Variants in CDH16 observed in about 807,000 individuals in gnomAD.
CDH16 encodes cadherin 16.
Under a neutral mutation model 87.6 loss-of-function variants are expected in CDH16, and 79 were observed. The ratio of observed to expected loss-of-function variants is 0.90; its 90% confidence interval spans 0.75 to 1.09. The LOEUF is 1.09. Among genes scored for constraint, CDH16 ranks in the 50% least tolerant of loss-of-function variants. The pLI, the probability that CDH16 is intolerant of heterozygous loss-of-function variation, is 0.00. For missense variants in CDH16, 1,124 were observed against 1,071.7 expected (o/e 1.05, Z -0.68); for synonymous variants, 457 against 439.5 (o/e 1.04, Z -0.50).
At position 66,912,000 on chromosome 16, in the gene CDH16, C is replaced by T. The variant is rs1484278555; in HGVS notation, c.1689G>A (p.Lys563=). Residue 563 remains lysine (K), a synonymous_variant, in exon 13 of 18, where the codon AAG becomes AAA. Transcript: ENST00000299752. Reference sequence around the variant, plus strand: ...TGGCCTCGTAGCTCTCCTGGTCCAACTTGGGGGGTGGCATCACTCTCTCCA... The same window carrying T: ...TGGCCTCGTAGCTCTCCTGGTCCAATTTGGGGGGTGGCATCACTCTCTCCA... ...VLVERVMPPP[K]LDQESYEASV... is the part of the protein sequence containing the mutation. The T allele has an allele frequency of 5.6e-6, 9 of 1,614,144 alleles. No homozygotes were observed. Among genetic ancestry groups the T allele is most frequent in the Non-Finnish European group, 7.6e-6 (9 of 1,180,002 alleles).
In CDH16 at chr16:66,914,225, G is replaced by A; in HGVS notation, c.771C>T (p.His257=). The A allele has an allele frequency of 6.2e-7, 1 of 1,612,884 alleles. No homozygotes were observed. Among genetic ancestry groups the A allele is most frequent in the Non-Finnish European group, 8.5e-7 (1 of 1,178,922 alleles). The part of the protein sequence containing the change: ...AENLKVLYPH[H]MAQVHWSGGD... ...ACAGCCACTTACTCACCTGGGCCATGTGGTGCGGGTATAGGACTTTGAGAT... is the reference window on the plus strand; with the variant it reads ...ACAGCCACTTACTCACCTGGGCCATATGGTGCGGGTATAGGACTTTGAGAT... Residue 257 remains histidine, a synonymous_variant, in exon 7 of 18, where the codon CAC becomes CAT. Coordinates refer to ENST00000299752, the MANE Select transcript of CDH16 (RefSeq NM_004062.4).
Position 66,917,627 on chromosome 16 carries a change from A to G in CDH16, c.129+15T>C. 3 of 1,604,634 alleles carry G rather than the reference A, an allele frequency of 1.9e-6. No individual in the cohort carries two copies. The highest frequency in any genetic ancestry group is 2.6e-6 in the Non-Finnish European group (3 of 1,172,740). On this transcript the variant is annotated intron_variant, in intron 3 of 17. Transcript: ENST00000299752. ...GAGGGATCCCCCCGGCCCCAACCCC[A>G]GCTCTCCGGCTCACCTTGGTCAGGT...
intron 5 of CDH16, 126 bp from the exon 6 acceptor site, chr16:66,915,504 C>A: frequency 9.3e-7 from 1 of 1,081,048 alleles, no homozygotes; most frequent in Non-Finnish European, 1.3e-6. Flanking sequence ...CGGAGATGAG[C>A]CACGGCTTTT....
At chr16:66,917,889 G>T in intron 2 of CDH16, 132 bp downstream of exon 2, 2 of 999,016 alleles carry the variant, frequency 2.0e-6, no homozygotes, top group Non-Finnish European at 3.0e-6. Flanking sequence ...TGGCTCTATA[G>T]TCCCAGCTCT....
chr16:66,916,225 C>T lies in CDH16; in HGVS notation c.286-22G>A, dbSNP rs754087654. The T allele has an allele frequency of 9.3e-6, 15 of 1,614,232 alleles. No individual in the cohort carries two copies. In the East Asian group the frequency reaches 2.9e-4, roughly 31 times the overall value. On this transcript the variant is annotated intron_variant, in intron 4 of 17. Transcript: ENST00000299752. This position sits in a 1 kb window ranked among gnomAD's most constrained non-coding sequence, Gnocchi z 4.1. ...TGACCTGGCAGGGAAGGGGAGTCAG[C>T]GTCTGGCTCTGCCTTGCCTGCTCTC...
rs773439858 is a variant in CDH16, at chr16:66,912,822, T to G, written c.1124A>C (p.Tyr375Ser). Residue 375 changes from tyrosine to serine, a missense_variant, in exon 10 of 18, where the codon TAT becomes TCT. Physicochemically the swap from Tyr to Ser is moderately radical, Grantham distance 144. Transcript: ENST00000299752. The part of the protein sequence containing the change: ...APGSPNSHVV[Y>S]QLLSPEPEDG... ...CTCAGGCTCAGGGCTCAGGAGCTGATACACAACGTGGGAATTGGGGGAGCC... is the reference window on the plus strand; with the variant it reads ...CTCAGGCTCAGGGCTCAGGAGCTGAGACACAACGTGGGAATTGGGGGAGCC... 6.2e-7 allele frequency: 1 copy of G among 1,613,680 alleles called. No homozygotes were observed. The highest frequency in any genetic ancestry group is 8.5e-7 in the Non-Finnish European group (1 of 1,180,006).
In CDH16 at chr16:66,911,212, A is replaced by G; in HGVS notation, c.1894T>C (p.Tyr632His). 13 of 1,613,614 alleles carry G rather than the reference A, an allele frequency of 8.1e-6. No homozygotes were observed. Among genetic ancestry groups the G allele is most frequent in the Non-Finnish European group, 1.1e-5 (13 of 1,179,824 alleles). The change falls in exon 14 of 18, where the codon TAC becomes CAC. Residue 632 changes from tyrosine to histidine, a missense_variant. Coordinates refer to ENST00000299752, the MANE Select transcript of CDH16 (RefSeq NM_004062.4). ...TCCTGGGCCTCCACAAGCACCGTGTAGGTGTCCCCAGGCTGGGCGCCCTGC... is the reference window on the plus strand; with the variant it reads ...TCCTGGGCCTCCACAAGCACCGTGTGGGTGTCCCCAGGCTGGGCGCCCTGC... ...SLQGAQPGDT[Y>H]TVLVEAQDTD...
chr16:66,908,298 C>A lies in CDH16; in HGVS notation c.*94G>T, dbSNP rs1160928303. The A allele has an allele frequency of 9.9e-7, 1 of 1,011,570 alleles. No homozygotes were observed. The highest frequency in any genetic ancestry group is 1.5e-6 in the Non-Finnish European group (1 of 647,872). The allele number at this position is 1,011,570 out of a possible 1,614,324, so 62.7% of individuals were successfully genotyped here. On this transcript the variant is annotated 3_prime_UTR_variant, in exon 18 of 18. Coordinates refer to ENST00000299752, the MANE Select transcript of CDH16 (RefSeq NM_004062.4). ...GCAGATGGAGGGGCTTCTACTCTGT[C>A]CTGTCCCCTGCTGGATCTTGGGTGC...
rs535174160 is a variant in CDH16, at chr16:66,915,382, G to T, written c.425-4C>A. 1.3e-5 allele frequency: 21 copies of T among 1,613,574 alleles called. No homozygotes were observed. The South Asian group carries it at 2.3e-4, about 18-fold the overall frequency. On this transcript the variant is annotated splice_polypyrimidine_tract_variant and splice_region_variant and intron_variant, in intron 5 of 17. Coordinates refer to ENST00000299752, the MANE Select transcript of CDH16 (RefSeq NM_004062.4). Reference sequence around the variant, plus strand: ...TCAAGGAAGAGGAAGGGGATGCCTGGTTCACGGTGGGAGGGCAAACTGTAA... The same window carrying T: ...TCAAGGAAGAGGAAGGGGATGCCTGTTTCACGGTGGGAGGGCAAACTGTAA...
Position 66,911,891 on chromosome 16 carries a change from T to C in CDH16, c.1790+8A>G. The C allele has an allele frequency of 6.3e-7, 1 of 1,581,206 alleles. No homozygotes were observed. The highest frequency in any genetic ancestry group is 8.6e-7 in the Non-Finnish European group (1 of 1,159,708). On this transcript the variant is annotated splice_region_variant and intron_variant, in intron 13 of 17. Transcript: ENST00000299752. ...CAGTCCAGGTAAGGGGCTGGGATTTTAGCTCACCTGAGGGTTCGGCTGATG... is the reference window on the plus strand; with the variant it reads ...CAGTCCAGGTAAGGGGCTGGGATTTCAGCTCACCTGAGGGTTCGGCTGATG...
At chr16:66,914,454 G>A (rs1002781360) in intron 6 of CDH16, 42 bp from the exon 7 acceptor site, 1 of 1,474,508 alleles carries the variant, frequency 6.8e-7, no homozygotes, top group Non-Finnish European at 9.4e-7. Flanking sequence ...CAGCCAGGGA[G>A]CAGGGGCCAG....
rs1567528701 is a variant in CDH16 at position 66,908,373 on chromosome 16, C to G, written c.*19G>C. On this transcript the variant is annotated 3_prime_UTR_variant, in exon 18 of 18. Coordinates refer to ENST00000299752, the MANE Select transcript of CDH16 (RefSeq NM_004062.4). The stretch of plus-strand genomic sequence containing the variant: ...ATGGAGCCAGAGGCCAAGCTCCCAG[C>G]TAGAGCTGCCTGGGCCATTCAGACA... 1 of 1,605,738 alleles carries G rather than the reference C, an allele frequency of 6.2e-7. No individual in the cohort carries two copies. The highest frequency in any genetic ancestry group is 8.5e-7 in the Non-Finnish European group (1 of 1,173,042).
At position 66,915,315 on chromosome 16, in the gene CDH16, AG is replaced by A; in HGVS notation, c.487del (p.Leu163PhefsTer6). ...RDEPGTANSD[L>X]RFHILSQAPA... ...AGCCTGGCTCAGGATGTGGAATCGA[AG>A]ATCCGAGTTGGCTGTGCCTGGCTCA... On this transcript the variant is annotated frameshift_variant, in exon 6 of 18. Transcript: ENST00000299752. LOFTEE classifies it high-confidence loss of function. 6.2e-7 allele frequency: 1 copy of A among 1,613,914 alleles called. No individual in the cohort carries two copies. The highest frequency in any genetic ancestry group is 2.2e-5 in the East Asian group (1 of 44,846).
At chr16:66,910,133 G>T in intron 15 of CDH16, 40 bp from the exon 16 acceptor site, 1 of 1,582,858 alleles carries the variant, frequency 6.3e-7, no homozygotes, top group Non-Finnish European at 8.6e-7. Context: ...CACCAGCCTG[G>T]ACAGGCCCTC....
chr16:66,913,134 G>T lies in CDH16; in HGVS notation c.1051C>A (p.Pro351Thr). The change falls in exon 9 of 18, where the codon CCA becomes ACA. Residue 351 changes from proline (P) to threonine (T), a missense_variant. Transcript: ENST00000299752. ...PTVSIPELSP[P>T]GTEVTRLSAE... ...CCTCTCCCATCCTGTAGCTCACCTG[G>T]TGGACTGAGCTCAGGGATGCTGACT... 2 of 1,607,358 alleles carry T rather than the reference G, an allele frequency of 1.2e-6. No individual in the cohort carries two copies. The highest frequency in any genetic ancestry group is 1.7e-5 in the Admixed American group (1 of 58,868).
In CDH16 at chr16:66,916,009, CTGT is replaced by C. The variant is rs1596984870; in HGVS notation, c.424+53_424+55del. 15 of 1,606,844 alleles carry C rather than the reference CTGT, an allele frequency of 9.3e-6. No individual in the cohort carries two copies. Among genetic ancestry groups the C allele is most frequent in the Non-Finnish European group, 1.2e-5 (14 of 1,175,468 alleles). ...TGTCTGGCCATCTCTTCGCTCTCTG[CTGT>C]TCCATCAAGGCCCACCTGACCTTAC... On this transcript the variant is annotated intron_variant, in intron 5 of 17. Transcript: ENST00000299752. This position sits in a 1 kb window ranked among gnomAD's most constrained non-coding sequence, Gnocchi z 4.1.
Position 66,909,344 on chromosome 16 carries a change from C to T in CDH16, c.2315G>A (p.Arg772His), listed in dbSNP as rs371696621. ...CRCNVEGQCMRKVGRMKGMPT... is the reference protein window; with the variant it reads ...CRCNVEGQCMHKVGRMKGMPT... The stretch of plus-strand genomic sequence containing the variant: ...CATGCCCTTCATGCGGCCCACCTTG[C>T]GCATGCACTGCCCCTCCACGTTGCA... Residue 772 changes from arginine to histidine, a missense_variant, in exon 17 of 18, where the codon CGC (arginine) becomes CAC (histidine). Transcript: ENST00000299752. This position sits in a 1 kb window ranked among gnomAD's most constrained non-coding sequence, Gnocchi z 4.1. 6.2e-6 allele frequency: 10 copies of T among 1,612,198 alleles called. No homozygotes were observed. Among genetic ancestry groups the T allele is most frequent in the Middle Eastern group, 1.7e-4 (1 of 6,056 alleles).
At chr16:66,912,608 G>T (rs779684986) in intron 10 of CDH16, 28 bp from the exon 11 acceptor site, 2 of 1,614,128 alleles carry the variant, frequency 1.2e-6, no homozygotes, top group Admixed American at 3.3e-5. Context: ...GTGTTGGTGA[G>T]GTCAGGGTAG....
chr16:66,910,320 T>C lies in CDH16; in HGVS notation c.2107A>G (p.Ser703Gly), dbSNP rs1327585434. The C allele has an allele frequency of 6.2e-7, 1 of 1,613,652 alleles. No individual in the cohort carries two copies. Among genetic ancestry groups the C allele is most frequent in the Non-Finnish European group, 8.5e-7 (1 of 1,179,786 alleles). ...GTGGGGTTGGGACCAAGGGTGAAGC[T>C]GTAGGGACCGTGCCCACTGGCCAGA... The part of the protein sequence containing the change: ...PDLASGHGPY[S>G]FTLGPNPTVQ... Residue 703 changes from serine (S) to glycine (G), a missense_variant, in exon 15 of 18, where the codon AGC becomes GGC. Coordinates refer to ENST00000299752, the MANE Select transcript of CDH16 (RefSeq NM_004062.4).
Sources: gnomAD v4.1 joint callset for allele counts on GRCh38, gnomAD v4.1.1 for gene constraint, Gnocchi (gnomAD v3.1) non-coding constraint, MANE v1.5 for transcripts, NCBI Gene and HGNC (gene_info 2026-07-23, HGNC 2026-07-21) for gene names.